FOLR1: variants seen among roughly 807,000 people sequenced by gnomAD.
FOLR1 encodes folate receptor alpha, also known as KB cells FBP.
Under a neutral mutation model 22.8 loss-of-function variants are expected in FOLR1, and 11 were observed. That is an observed-to-expected ratio of 0.48 (90% CI 0.30 to 0.80). FOLR1 has a LOEUF of 0.80. FOLR1 is among the 30% of genes least tolerant of loss of function. FOLR1 has a pLI of 0.06. For missense variants in FOLR1, 273 were observed against 320.3 expected (o/e 0.85, Z 1.13); for synonymous variants, 108 against 116.5 (o/e 0.93, Z 0.47).
At chr11:72,192,836 A>G (rs1273049692) in intron 1 of FOLR1, among the ~76,000 whole-genome samples, 2 of 151,530 alleles carry the variant, frequency 1.3e-5, no homozygotes, top group Non-Finnish European at 2.9e-5. Context: ...GACTCAAGTG[A>G]TCCTCCCACC....
intron 3 of FOLR1, 63 bp from the exon 4 acceptor site, chr11:72,195,834 G>C: frequency 6.2e-7 from 1 of 1,614,094 alleles, no homozygotes. Context: ...TGGAGTTGTA[G>C]GGCTGGCAGA....
chr11:72,193,744 G>A (rs1179206449), intron 1 of FOLR1, among the ~76,000 whole-genome samples: 1 of 151,166 alleles, frequency 6.6e-6, no homozygotes, highest in Non-Finnish European at 1.5e-5. Flanking sequence ...ACAGGTGTGA[G>A]CCACTGCGCC....
In FOLR1 at chr11:72,192,286, T is replaced by A. The variant is rs750562595; in HGVS notation, c.113T>A (p.Met38Lys). 6 of 1,614,000 alleles carry A rather than the reference T, an allele frequency of 3.7e-6. No individual in the cohort carries two copies. The highest frequency in any genetic ancestry group is 4.2e-6 in the Non-Finnish European group (5 of 1,180,026). Residue 38 changes from methionine (M) to lysine (K), a missense_variant, in exon 1 of 4, where the codon ATG (methionine) becomes AAG (lysine). Physicochemically the swap from Met to Lys is moderately conservative, Grantham distance 95 (BLOSUM62 -1). Transcript: ENST00000393676. ...AGGACTGAGCTTCTCAATGTCTGCA[T>A]GAACGCCAAGCACCACAAGGAAAAG... ...WARTELLNVCMNAKHHKEKPG... is the reference protein window; with the variant it reads ...WARTELLNVCKNAKHHKEKPG...
At chr11:72,192,480 A>C in intron 1 of FOLR1, 139 bp downstream of exon 1, 3 of 824,390 alleles carry the variant, frequency 3.6e-6, no homozygotes, top group Non-Finnish European at 5.9e-6. Flanking sequence ...TGACTATTTC[A>C]CAGACACTGT....
At chr11:72,195,586 C>A in intron 2 of FOLR1, 26 bp from the exon 3 acceptor site, 1 of 1,614,158 alleles carries the variant, frequency 6.2e-7, no homozygotes, top group East Asian at 2.2e-5. Flanking sequence ...GAACCTGAGC[C>A]CTTCTTTTGT....
chr11:72,191,999 G>C, upstream of FOLR1: 1 of 655,984 alleles, frequency 1.5e-6, no homozygotes, highest in East Asian at 2.8e-5. Flanking sequence ...GGGAGGGGTG[G>C]TGTCTAATCC....
Position 72,196,293 on chromosome 11 carries a change from C to A in FOLR1, c.*116C>A. 9.9e-7 allele frequency: 1 copy of A among 1,007,390 alleles called. No homozygotes were observed. Among genetic ancestry groups the A allele is most frequent in the Non-Finnish European group, 1.5e-6 (1 of 645,770 alleles). 62.4% of individuals were successfully genotyped at this position (1,007,390 alleles called of 1,614,324 possible). On this transcript the variant is annotated 3_prime_UTR_variant, in exon 4 of 4. Coordinates refer to ENST00000393676, the MANE Select transcript of FOLR1 (RefSeq NM_016729.3). ...TGACAGCCACTTTGAATAAACCAGA[C>A]ACCGCACATGTGTCTTGAGAATTAT...
intron 1 of FOLR1, among the ~76,000 whole-genome samples, 161 bp from the exon 2 acceptor site, chr11:72,195,110 G>A (rs752421594): frequency 2.0e-4 from 31 of 152,072 alleles, no homozygotes; most frequent in Non-Finnish European, 3.8e-4. Context: ...TGTCTCTGAC[G>A]GCCCTCTCCC....
chr11:72,192,401 A>G lies in FOLR1; in HGVS notation c.168+60A>G. The G allele has an allele frequency of 1.9e-6, 3 of 1,587,724 alleles. No homozygotes were observed. The South Asian group carries it at 3.3e-5, about 18-fold the overall frequency. On this transcript the variant is annotated intron_variant, in intron 1 of 3. Transcript: ENST00000393676. ...TGGCTCAGGAAGAGGAAACGAGGAC[A>G]TGGAAATGCCAAACCCCATTCACTG...
At chr11:72,192,065 C>T (rs961803866), upstream of FOLR1, 7 of 1,274,280 alleles carry the variant, frequency 5.5e-6, no homozygotes, top group African/African-American at 1.5e-5. Flanking sequence ...CTCTATCTGC[C>T]CCAGGCTTCC....
At chr11:72,189,984 A>C (rs113037141), upstream of FOLR1, among the ~76,000 whole-genome samples, 373 of 152,248 alleles carry the variant, frequency 2.4e-3, 1 homozygote, top group African/African-American at 8.5e-3. Flanking sequence ...TTCAGTCCAG[A>C]GCTGAGTTCT....
At chr11:72,192,707 C>G (rs928753471) in intron 1 of FOLR1, among the ~76,000 whole-genome samples, 1 of 152,126 alleles carries the variant, frequency 6.6e-6, no homozygotes, top group African/African-American at 2.4e-5. Flanking sequence ...TTTCTGCCAG[C>G]CCTAAACAGC....
intron 1 of FOLR1, among the ~76,000 whole-genome samples, chr11:72,194,288 T>C (rs1297976820): frequency 6.6e-6 from 1 of 152,228 alleles, no homozygotes; most frequent in Non-Finnish European, 1.5e-5. Flanking sequence ...ATACATTGTT[T>C]TTTTGTATCA....
rs745598432 is a variant in FOLR1, at chr11:72,195,923, G to C, written c.520G>C (p.Ala174Pro). 1 of 1,614,238 alleles carries C rather than the reference G, an allele frequency of 6.2e-7. No individual in the cohort carries two copies. Among genetic ancestry groups the C allele is most frequent in the South Asian group, 1.1e-5 (1 of 91,084 alleles). ...SGFNKCAVGA[A>P]CQPFHFYFPT... ...GTTTAACAAGTGCGCAGTGGGAGCT[G>C]CCTGCCAACCTTTCCATTTCTACTT... Residue 174 changes from alanine to proline, a missense_variant, in exon 4 of 4, where the codon GCC (alanine) becomes CCC (proline). Transcript: ENST00000393676.
Position 72,192,263 on chromosome 11 carries a change from G to A in FOLR1, c.90G>A (p.Arg30=). The A allele has an allele frequency of 6.2e-7, 1 of 1,614,228 alleles. No individual in the cohort carries two copies. The highest frequency in any genetic ancestry group is 8.5e-7 in the Non-Finnish European group (1 of 1,180,042). Residue 30 remains arginine, a synonymous_variant, in exon 1 of 4, where the codon AGG becomes AGA. Coordinates refer to ENST00000393676, the MANE Select transcript of FOLR1 (RefSeq NM_016729.3). The part of the protein sequence containing the change: ...GEAQTRIAWA[R]TELLNVCMNA... ...CTCAGACAAGGATTGCATGGGCCAG[G>A]ACTGAGCTTCTCAATGTCTGCATGA...
chr11:72,192,270 C>T lies in FOLR1; in HGVS notation c.97C>T (p.Leu33Phe). 6.2e-7 allele frequency: 1 copy of T among 1,614,186 alleles called. No homozygotes were observed. The change falls in exon 1 of 4, where the codon CTT becomes TTT. Residue 33 changes from leucine (L) to phenylalanine (F), a missense_variant. By Grantham distance (22) the Leu-to-Phe change is conservative (BLOSUM62 0). Coordinates refer to ENST00000393676, the MANE Select transcript of FOLR1 (RefSeq NM_016729.3). Reference protein sequence around the residue: ...QTRIAWARTELLNVCMNAKHH... With the variant: ...QTRIAWARTEFLNVCMNAKHH... The stretch of plus-strand genomic sequence containing the variant: ...AAGGATTGCATGGGCCAGGACTGAG[C>T]TTCTCAATGTCTGCATGAACGCCAA...
chr11:72,192,399 A>G, intron 1 of FOLR1, 58 bp downstream of exon 1: 1 of 1,593,716 alleles, frequency 6.3e-7, no homozygotes, highest in Non-Finnish European at 8.6e-7. Context: ...GGAAACGAGG[A>G]CATGGAAATG....
chr11:72,191,526 C>T (rs1948157413), upstream of FOLR1, among the ~76,000 whole-genome samples: 1 of 152,096 alleles, frequency 6.6e-6, no homozygotes, highest in Non-Finnish European at 1.5e-5. Flanking sequence ...CCGCACCCAG[C>T]TCATTTTGTA....
At chr11:72,194,565 A>G (rs1024643858) in intron 1 of FOLR1, among the ~76,000 whole-genome samples, 2 of 152,000 alleles carry the variant, frequency 1.3e-5, no homozygotes, top group Non-Finnish European at 2.9e-5. Context: ...ACGCCCGGCT[A>G]ATTTTTTGTA....
Sources: allele counts gnomAD v4.1 joint callset (sites outside exome capture counted in the v4.1 genomes callset), GRCh38; gene constraint gnomAD v4.1.1; transcripts MANE v1.5; gene names NCBI Gene and HGNC (gene_info 2026-07-23, HGNC 2026-07-21).